RAB31: variants seen among roughly 807,000 people sequenced by gnomAD.
RAB31 encodes RAB31, member RAS oncogene family.
A neutral mutation model predicts 25.6 loss-of-function variants in RAB31; 21 were observed. That is an observed-to-expected ratio of 0.82 (90% confidence interval 0.58 to 1.18). The LOEUF is 1.18. Among genes scored for constraint, RAB31 ranks in the 50% most tolerant of loss-of-function variants. The pLI is 0.00. For missense variants in RAB31, 196 were observed against 250.1 expected (o/e 0.78, Z 1.46); for synonymous variants, 87 against 84.0 (o/e 1.04, Z -0.20).
At chr18:9,783,287 C>T (rs1024082546) in intron 2 of RAB31, among the ~76,000 whole-genome samples, 7 of 152,158 alleles carry the variant, frequency 4.6e-5, no homozygotes, top group African/African-American at 1.4e-4. Flanking sequence ...TTGAGTCTGG[C>T]AGTGAGGGCC....
At chr18:9,811,433 G>T (rs2068570244) in intron 3 of RAB31, among the ~76,000 whole-genome samples, 1 of 152,196 alleles carries the variant, frequency 6.6e-6, no homozygotes, top group Admixed American at 6.5e-5. Flanking sequence ...AGTTTGGCAA[G>T]TATTGATCCA....
intron 1 of RAB31, among the ~76,000 whole-genome samples, chr18:9,742,574 T>G (rs2068185277): frequency 6.6e-6 from 1 of 152,220 alleles, no homozygotes; most frequent in African/African-American, 2.4e-5. Context: ...TTCATAAATG[T>G]TGTAGATGAG....
intron 1 of RAB31, among the ~76,000 whole-genome samples, chr18:9,743,101 C>A (rs533370864): frequency 6.6e-6 from 1 of 152,148 alleles, no homozygotes; most frequent in African/African-American, 2.4e-5. Context: ...TGAGGACATG[C>A]GGCAAAGCTT....
chr18:9,709,737 C>T (rs764705878), intron 1 of RAB31, among the ~76,000 whole-genome samples: 3 of 152,216 alleles, frequency 2.0e-5, no homozygotes, highest in African/African-American at 7.2e-5. Context: ...TCCCCACCTC[C>T]CCCGACTTGC....
intron 1 of RAB31, among the ~76,000 whole-genome samples, chr18:9,723,154 T>TC (rs1349823302): frequency 6.6e-6 from 1 of 152,158 alleles, no homozygotes; most frequent in African/African-American, 2.4e-5. Flanking sequence ...TTCAAGCAAT[T>TC]CTTGTGCCTC....
intron 5 of RAB31, among the ~76,000 whole-genome samples, chr18:9,835,640 G>T (rs867320112): frequency 2.0e-5 from 3 of 152,240 alleles, no homozygotes; most frequent in Non-Finnish European, 4.4e-5. Flanking sequence ...GTACACGGTT[G>T]TCAAGTGCTT....
At chr18:9,822,576 A>G (rs2068629342) in intron 5 of RAB31, among the ~76,000 whole-genome samples, 1 of 152,244 alleles carries the variant, frequency 6.6e-6, no homozygotes, top group South Asian at 2.1e-4. Flanking sequence ...TATATCTATA[A>G]GGGACTAGTA....
intron 1 of RAB31, among the ~76,000 whole-genome samples, chr18:9,722,449 G>A (rs1243580680): frequency 2.6e-5 from 4 of 152,184 alleles, no homozygotes; most frequent in Non-Finnish European, 2.9e-5. Flanking sequence ...GGTGCATGAT[G>A]CGTACCTCGG....
chr18:9,847,693 C>T (rs2068768548), intron 6 of RAB31, among the ~76,000 whole-genome samples: 2 of 152,138 alleles, frequency 1.3e-5, no homozygotes, highest in Non-Finnish European at 2.9e-5. Flanking sequence ...CGACCTCAGC[C>T]ACCTGGGTAG....
At chr18:9,808,866 T>C (rs189210708) in intron 3 of RAB31, among the ~76,000 whole-genome samples, 1 of 152,380 alleles carries the variant, frequency 6.6e-6, no homozygotes, top group Non-Finnish European at 1.5e-5. Context: ...CTGTGCTTGT[T>C]GGGAAACTTC....
intron 5 of RAB31, among the ~76,000 whole-genome samples, chr18:9,820,980 A>G (rs1041154342): frequency 1.3e-5 from 2 of 152,000 alleles, no homozygotes; most frequent in Admixed American, 6.6e-5. Flanking sequence ...AAAGGTTAGC[A>G]TATTTATTCG....
intron 5 of RAB31, among the ~76,000 whole-genome samples, chr18:9,843,722 T>A (rs987854158): frequency 7.2e-5 from 11 of 152,062 alleles, no homozygotes; most frequent in Admixed American, 6.5e-4. Context: ...AGAGAGTGAA[T>A]GTCGGGGTGT....
At chr18:9,746,990 A>G (rs1116700) in intron 1 of RAB31, among the ~76,000 whole-genome samples, 144,640 of 152,288 alleles carry the variant, frequency 0.95, 68,768 homozygotes, top group African/African-American at 0.98. Flanking sequence ...CTACAGAATG[A>G]GAGAAAATAT....
chr18:9,733,317 C>T (rs577184116), intron 1 of RAB31, among the ~76,000 whole-genome samples: 2 of 152,274 alleles, frequency 1.3e-5, no homozygotes, highest in Admixed American at 1.3e-4. Context: ...GTCACTCCTC[C>T]CACCAGGTTA....
intron 5 of RAB31, among the ~76,000 whole-genome samples, chr18:9,843,563 AAAC>A (rs2068745348): frequency 6.6e-6 from 1 of 151,916 alleles, no homozygotes; most frequent in African/African-American, 2.4e-5. Context: ...AAAAAAAAAA[AAAC>A]TTCAGGAGGA....
intron 2 of RAB31, among the ~76,000 whole-genome samples, chr18:9,781,540 T>C (rs111442743): frequency 1.3e-5 from 2 of 152,216 alleles, no homozygotes; most frequent in Admixed American, 6.5e-5. Context: ...CTCGAGCTCC[T>C]TACCTCAGCT....
intron 1 of RAB31, among the ~76,000 whole-genome samples, chr18:9,709,443 G>A (rs2068005004): frequency 6.6e-6 from 1 of 152,174 alleles, no homozygotes. Context: ...CTAAAAAAGG[G>A]CAGCGAAAGG....
chr18:9,837,058 C>T (rs893887954), intron 5 of RAB31, among the ~76,000 whole-genome samples: 8 of 145,834 alleles, frequency 5.5e-5, no homozygotes, highest in Non-Finnish European at 4.5e-5. Context: ...GTGTGAAGAA[C>T]GGGGTGAGAC....
Position 9,856,526 on chromosome 18 carries a change from T to A in RAB31, c.491-2702T>A, listed in dbSNP as rs569534181. Among the ~76,000 whole-genome samples the A allele has an allele frequency of 3.1e-4, 47 of 152,290 alleles. 1 individual carries two copies. The South Asian group carries it at 7.7e-3, about 25-fold the overall frequency. ...AAAACAAGACATGAGGGAAATAAAG[T>A]CATGGAGGGCTAAAAAGCTAATGCT... On this transcript the variant is annotated intron_variant, in intron 6 of 6. Coordinates refer to ENST00000578921, the MANE Select transcript of RAB31 (RefSeq NM_006868.4).
Sources: gnomAD v4.1 joint callset for allele counts (sites outside exome capture counted in the v4.1 genomes callset) on GRCh38, gnomAD v4.1.1 for gene constraint, MANE v1.5 for transcripts, NCBI Gene and HGNC (gene_info 2026-07-23, HGNC 2026-07-21) for gene names.